Variants in OR3A2 observed in about 807,000 individuals in gnomAD.
OR3A2 encodes olfactory receptor family 3 subfamily A member 2.
For synonymous variants in OR3A2, 126 were observed against 159.3 expected (o/e 0.79, Z 1.57); for missense variants, 318 against 392.8 (o/e 0.81, Z 1.61).
intron 2 of OR3A2, among the ~76,000 whole-genome samples, chr17:3,344,144 T>C (rs571794660): frequency 1.4e-4 from 21 of 152,202 alleles, no homozygotes; most frequent in Non-Finnish European, 2.9e-4. Context: ...GCCCCTTCTT[T>C]AGGTGGCATG....
chr17:3,354,384 AC>A (rs1454407090), intron 2 of OR3A2, among the ~76,000 whole-genome samples: 2 of 151,234 alleles, frequency 1.3e-5, no homozygotes, highest in African/African-American at 2.4e-5. Flanking sequence ...TAATCATGGT[AC>A]ACTGTAGCCT....
chr17:3,313,310 G>A (rs1487409822), intron 3 of OR3A2, among the ~76,000 whole-genome samples: 2 of 152,138 alleles, frequency 1.3e-5, no homozygotes, highest in Non-Finnish European at 2.9e-5. Context: ...GCACACAGAG[G>A]TATCCACAGT....
At chr17:3,359,368 C>T (rs750071350) in intron 2 of OR3A2, among the ~76,000 whole-genome samples, 1 of 151,770 alleles carries the variant, frequency 6.6e-6, no homozygotes, top group Non-Finnish European at 1.5e-5. Flanking sequence ...TTTACAGTGA[C>T]ACTGGTCTGT....
chr17:3,297,026 A>T (rs999449782), intron 3 of OR3A2, among the ~76,000 whole-genome samples: 6 of 152,108 alleles, frequency 3.9e-5, no homozygotes, highest in African/African-American at 1.4e-4. Context: ...GGCCCTGCAG[A>T]GATTCCCTTT....
intron 3 of OR3A2, among the ~76,000 whole-genome samples, chr17:3,319,221 G>A (rs931963918): frequency 6.6e-6 from 1 of 152,224 alleles, no homozygotes; most frequent in East Asian, 1.9e-4. Flanking sequence ...TAACTTCAGT[G>A]TATTCCATAT....
intron 2 of OR3A2, among the ~76,000 whole-genome samples, chr17:3,360,292 AG>A (rs1313780923): frequency 2.0e-5 from 3 of 150,766 alleles, no homozygotes; most frequent in African/African-American, 7.4e-5. Flanking sequence ...AATTTGTTTG[AG>A]TTCTTTGTGG....
intron 2 of OR3A2, among the ~76,000 whole-genome samples, chr17:3,369,285 T>A (rs1163862064): frequency 1.3e-5 from 2 of 152,200 alleles, no homozygotes; most frequent in Non-Finnish European, 2.9e-5. Context: ...TGAATAGAAG[T>A]GGTGAAAGTG....
chr17:3,287,434 T>C (rs918588345), upstream of OR3A2, among the ~76,000 whole-genome samples: 1 of 152,212 alleles, frequency 6.6e-6, no homozygotes, highest in African/African-American at 2.4e-5. Flanking sequence ...TACGCGGTAT[T>C]GTGTCTATAT....
intron 1 of OR3A2, among the ~76,000 whole-genome samples, chr17:3,385,195 A>AAAAT (rs770779070): frequency 1.8e-4 from 28 of 152,176 alleles, no homozygotes; most frequent in East Asian, 3.8e-4. Flanking sequence ...ACTCCGTCTC[A>AAAAT]AAATAAATAA....
intron 3 of OR3A2, among the ~76,000 whole-genome samples, chr17:3,326,722 G>T (rs1332590296): frequency 1.0e-5 from 1 of 100,404 alleles, no homozygotes; most frequent in Non-Finnish European, 1.9e-5. Flanking sequence ...CTCCACCACA[G>T]TCCCCACAGT....
intron 3 of OR3A2, among the ~76,000 whole-genome samples, chr17:3,325,435 C>A (rs143357443): frequency 1.4e-4 from 21 of 152,114 alleles, no homozygotes; most frequent in Non-Finnish European, 2.6e-4. Flanking sequence ...GTCTCAAACT[C>A]CTGACCTCAG....
chr17:3,378,403 G>A (rs1304525972), intron 2 of OR3A2, among the ~76,000 whole-genome samples: 1 of 152,350 alleles, frequency 6.6e-6, no homozygotes, highest in East Asian at 1.9e-4. Context: ...CCCTGGAGCA[G>A]GTGCCAGGAG....
intron 2 of OR3A2, among the ~76,000 whole-genome samples, chr17:3,365,086 A>G (rs1880591563): frequency 6.6e-6 from 1 of 152,184 alleles, no homozygotes; most frequent in South Asian, 2.1e-4. Flanking sequence ...GGCTCCTTTG[A>G]TCATAACAAA....
At chr17:3,343,625 A>G (rs1242757140) in intron 2 of OR3A2, among the ~76,000 whole-genome samples, 2 of 152,146 alleles carry the variant, frequency 1.3e-5, no homozygotes, top group Non-Finnish European at 1.5e-5. Flanking sequence ...CTAAGCCACA[A>G]ATTCAGTAAT....
intron 1 of OR3A2, 74 bp downstream of exon 4, chr17:3,279,002 T>C: frequency 1.3e-6 from 2 of 1,557,870 alleles, no homozygotes; most frequent in South Asian, 1.2e-5. Flanking sequence ...AAACCATTTA[T>C]GTTCAAAGCC....
intron 3 of OR3A2, among the ~76,000 whole-genome samples, chr17:3,301,857 T>G (rs913749907): frequency 6.6e-6 from 1 of 152,164 alleles, no homozygotes; most frequent in Admixed American, 6.5e-5. Context: ...CATCTTGAAT[T>G]AATTTTTGTA....
chr17:3,358,648 G>A lies in OR3A2; in HGVS notation c.-178-22522C>T, dbSNP rs543370564. On this transcript the variant is annotated intron_variant, in intron 2 of 4. Coordinates refer to the OR3A2 transcript ENST00000573491. ...TGTGCTGTGGTCTGAGAGTATGTTTGGTATGGTTTTGGTTCTATTACATTT... is the reference window on the plus strand; with the variant it reads ...TGTGCTGTGGTCTGAGAGTATGTTTAGTATGGTTTTGGTTCTATTACATTT... 4.6e-4 allele frequency among the ~76,000 whole-genome samples: 70 copies of A among 151,684 alleles called. 4 individuals carry two copies. Among genetic ancestry groups the A allele is most frequent in the African/African-American group, 1.4e-3 (59 of 41,088 alleles).
In OR3A2 at chr17:3,322,066, T is replaced by G. The variant is rs2049128178; in HGVS notation, c.-85+13967A>C. Reference sequence around the variant, plus strand: ...ATTGCCACAATTTCAGAGCCTGTTATTGGTCTATTCAACTTCTTCCTGGTT... The same window carrying G: ...ATTGCCACAATTTCAGAGCCTGTTAGTGGTCTATTCAACTTCTTCCTGGTT... On this transcript the variant is annotated intron_variant, in intron 3 of 4. Transcript: ENST00000573491. Among the ~76,000 whole-genome samples the G allele has an allele frequency of 1.3e-5, 2 of 152,180 alleles. 1 individual carries two copies. Among genetic ancestry groups the G allele is most frequent in the African/African-American group, 4.8e-5 (2 of 41,434 alleles).
In OR3A2 at chr17:3,362,766, C is replaced by G. The variant is rs148029341; in HGVS notation, c.-179+21038G>C. On this transcript the variant is annotated intron_variant, in intron 2 of 4. Transcript: ENST00000573491. The stretch of plus-strand genomic sequence containing the variant: ...ATCCGTGATGGCTGAGCCCCTGCAG[C>G]AGACTTCTACCTGGACATCCAGATG... Among the ~76,000 whole-genome samples, 1,392 of 151,850 alleles carry G rather than the reference C, an allele frequency of 9.2e-3. 68 individuals carry two copies. The highest frequency in any genetic ancestry group is 0.032 in the African/African-American group (1,326 of 41,130).
Sources: allele counts gnomAD v4.1 joint callset (sites outside exome capture counted in the v4.1 genomes callset), GRCh38; gene constraint gnomAD v4.1.1; transcripts MANE v1.5; gene names NCBI Gene and HGNC (gene_info 2026-07-23, HGNC 2026-07-21).